Variants in ASTN2 observed in about 807,000 individuals in gnomAD.
The protein encoded by ASTN2 is astrotactin-2.
Under a neutral mutation model 139.8 loss-of-function variants are expected in ASTN2, and 54 were observed. The observed-to-expected ratio is 0.39, with a 90% CI of 0.31 to 0.48. The LOEUF (loss-of-function observed/expected upper bound fraction) is 0.48. ASTN2 is among the 20% of genes least tolerant of loss of function. The pLI, the probability that ASTN2 is intolerant of heterozygous loss-of-function variation, is 0.95. For missense variants in ASTN2, 1,565 were observed against 1,725.1 expected (o/e 0.91, Z 1.64); for synonymous variants, 756 against 719.5 (o/e 1.05, Z -0.81).
chr9:116,552,195 A>G (rs1022517329), intron 19 of ASTN2: 2 of 152,184 alleles, frequency 1.3e-5, no homozygotes, highest in Non-Finnish European at 2.9e-5. Context: ...GTGTGAAAGC[A>G]CAGAGAGGTG....
intron 1 of ASTN2, among the ~76,000 whole-genome samples, chr9:117,332,168 C>T (rs1322693219): frequency 6.6e-6 from 1 of 152,114 alleles, no homozygotes; most frequent in African/African-American, 2.4e-5. Flanking sequence ...ACCTACTTTG[C>T]TTCATAATAA....
At chr9:116,752,456 T>C (rs1829425390) in intron 13 of ASTN2, among the ~76,000 whole-genome samples, 1 of 152,198 alleles carries the variant, frequency 6.6e-6, no homozygotes, top group Non-Finnish European at 1.5e-5. Context: ...AGAAAAATTT[T>C]AGTAACCTTG....
At chr9:117,352,005 A>C (rs984850407) in intron 1 of ASTN2, among the ~76,000 whole-genome samples, 23 of 152,178 alleles carry the variant, frequency 1.5e-4, no homozygotes, top group Admixed American at 1.3e-3. Flanking sequence ...GCTTACTATT[A>C]ATATCTTTTT....
At chr9:117,359,254 C>T (rs986130034) in intron 1 of ASTN2, among the ~76,000 whole-genome samples, 7 of 152,052 alleles carry the variant, frequency 4.6e-5, no homozygotes, top group Non-Finnish European at 8.8e-5. Context: ...AGTGCTTAAA[C>T]CTTAATGGTT....
chr9:116,665,960 TATC>T (rs1379100799), intron 16 of ASTN2, among the ~76,000 whole-genome samples: 5 of 152,210 alleles, frequency 3.3e-5, no homozygotes, highest in Admixed American at 2.6e-4. Context: ...AAGAATGAAG[TATC>T]AGCCATGCTT....
chr9:117,238,391 G>A (rs549894505), intron 2 of ASTN2, among the ~76,000 whole-genome samples: 1 of 152,264 alleles, frequency 6.6e-6, no homozygotes, highest in Non-Finnish European at 1.5e-5. Context: ...AAGTGACGTT[G>A]GTCAAGTCCT....
At chr9:117,301,968 A>C (rs1834886170) in intron 1 of ASTN2, among the ~76,000 whole-genome samples, 1 of 134,284 alleles carries the variant, frequency 7.4e-6, no homozygotes, top group Non-Finnish European at 1.6e-5. Flanking sequence ...AATGCATTGG[A>C]AGGAGCCTAG....
chr9:117,318,894 C>A (rs12377200), intron 1 of ASTN2, among the ~76,000 whole-genome samples: 13,680 of 152,176 alleles, frequency 0.09, 719 homozygotes, highest in South Asian at 0.11. Context: ...CCTAAAGGAC[C>A]AAGAGGTGCT....
intron 19 of ASTN2, among the ~76,000 whole-genome samples, chr9:116,489,983 T>C (rs1849462436): frequency 6.6e-6 from 1 of 152,084 alleles, no homozygotes; most frequent in Non-Finnish European, 1.5e-5. Context: ...TCCTTAAACT[T>C]CTCAATGTCT....
intron 4 of ASTN2, among the ~76,000 whole-genome samples, chr9:117,118,600 A>T (rs1161778065): frequency 1.3e-5 from 2 of 152,158 alleles, no homozygotes; most frequent in African/African-American, 4.8e-5. Context: ...TGTAAATCAA[A>T]CCAAGTCCTT....
chr9:116,734,884 A>G (rs137873297), intron 13 of ASTN2, among the ~76,000 whole-genome samples: 257 of 152,300 alleles, frequency 1.7e-3, no homozygotes, highest in African/African-American at 3.9e-3. Context: ...AGGATGTGAC[A>G]TTATCACCAT....
chr9:117,232,759 T>A (rs1210340585), intron 2 of ASTN2, among the ~76,000 whole-genome samples: 2 of 152,246 alleles, frequency 1.3e-5, no homozygotes, highest in African/African-American at 4.8e-5. Flanking sequence ...CCAGAAACTC[T>A]ATTGTCTCTT....
At chr9:116,866,566 A>G (rs1833016729) in intron 10 of ASTN2, among the ~76,000 whole-genome samples, 1 of 152,114 alleles carries the variant, frequency 6.6e-6, no homozygotes, top group African/African-American at 2.4e-5. Flanking sequence ...AAATATTAAT[A>G]CCCTAGAAGG....
At chr9:117,259,431 T>C (rs1262497145) in intron 2 of ASTN2, among the ~76,000 whole-genome samples, 1 of 152,090 alleles carries the variant, frequency 6.6e-6, no homozygotes, top group Non-Finnish European at 1.5e-5. Context: ...CATACCTCAT[T>C]ATGCCCTCCT....
chr9:116,978,518 C>CAG (rs1456265589), intron 7 of ASTN2, among the ~76,000 whole-genome samples: 5 of 147,248 alleles, frequency 3.4e-5, no homozygotes, highest in South Asian at 2.1e-4. Flanking sequence ...CACACACACA[C>CAG]ACACAGAGAG....
chr9:116,468,149 T>C (rs1848707027), intron 20 of ASTN2, among the ~76,000 whole-genome samples: 1 of 152,222 alleles, frequency 6.6e-6, no homozygotes, highest in Non-Finnish European at 1.5e-5. Context: ...GTGAGGTTTC[T>C]GGGGAAAGAA....
At chr9:117,211,031 C>G (rs1832108623) in intron 3 of ASTN2, among the ~76,000 whole-genome samples, 1 of 141,616 alleles carries the variant, frequency 7.1e-6, no homozygotes, top group Non-Finnish European at 1.5e-5. Context: ...GTGATAAAAA[C>G]TCTTAATAAA....
At chr9:116,444,004 G>A (rs553051821) in intron 20 of ASTN2, among the ~76,000 whole-genome samples, 1 of 152,234 alleles carries the variant, frequency 6.6e-6, no homozygotes, top group Non-Finnish European at 1.5e-5. Flanking sequence ...TAATTATTAT[G>A]TGCTAAGACC....
chr9:116,527,778 A>T (rs1385944880), intron 19 of ASTN2, among the ~76,000 whole-genome samples: 1 of 152,020 alleles, frequency 6.6e-6, no homozygotes, highest in Non-Finnish European at 1.5e-5. Context: ...TGTTCTCATG[A>T]TAGTGAATTC....
Sources: gnomAD v4.1 joint callset for allele counts (sites outside exome capture counted in the v4.1 genomes callset) on GRCh38, gnomAD v4.1.1 for gene constraint, MANE v1.5 for transcripts, NCBI Gene and HGNC (gene_info 2026-07-23, HGNC 2026-07-21) for gene names.